Variants in TRPM3 observed in about 807,000 individuals in gnomAD.
TRPM3 encodes the protein transient receptor potential cation channel subfamily M member 3, also known as long transient receptor potential channel 3.
Under a neutral mutation model 181.2 loss-of-function variants are expected in TRPM3, and 77 were observed. The observed-to-expected ratio is 0.42, with a 90% CI of 0.35 to 0.51. TRPM3 has a LOEUF of 0.51. Among genes scored for constraint, TRPM3 ranks in the 20% least tolerant of loss-of-function variants. TRPM3 has a pLI of 0.01. For synonymous variants in TRPM3, 745 were observed against 796.4 expected, an observed-to-expected ratio of 0.94 and a Z score of 1.09; for missense variants, 1,759 against 2,196.7, an observed-to-expected ratio of 0.80 and a Z score of 3.98.
chr9:70,882,967 A>G (rs2096019996), intron 1 of TRPM3, among the ~76,000 whole-genome samples: 1 of 152,206 alleles, frequency 6.6e-6, no homozygotes, highest in African/African-American at 2.4e-5. Flanking sequence ...AATTTAAACC[A>G]TGGAAACATT....
chr9:71,331,709 A>G (rs796404481), intron 1 of TRPM3, among the ~76,000 whole-genome samples: 7 of 109,814 alleles, frequency 6.4e-5, no homozygotes, highest in East Asian at 2.9e-4. Flanking sequence ...AAAGGAGGAG[A>G]AAAAGGAGGA....
At chr9:70,993,728 T>G (rs2097512361) in intron 1 of TRPM3, among the ~76,000 whole-genome samples, 1 of 138,676 alleles carries the variant, frequency 7.2e-6, no homozygotes, top group Admixed American at 8.0e-5. Flanking sequence ...TCCACTGCAG[T>G]GAGCTGAGAT....
intron 1 of TRPM3, among the ~76,000 whole-genome samples, chr9:71,085,419 G>C (rs2065101068): frequency 6.6e-6 from 1 of 151,486 alleles, no homozygotes; most frequent in South Asian, 2.1e-4. Context: ...ATAAGCAAAT[G>C]AAACTATTAA....
At chr9:71,381,473 A>G (rs1249335159) in intron 1 of TRPM3, among the ~76,000 whole-genome samples, 1 of 152,166 alleles carries the variant, frequency 6.6e-6, no homozygotes, top group Non-Finnish European at 1.5e-5. Context: ...ACTTTCAAAT[A>G]GTGATTAAGT....
intron 15 of TRPM3, among the ~76,000 whole-genome samples, chr9:70,620,996 C>A (rs376979851): frequency 6.9e-6 from 1 of 145,826 alleles, no homozygotes; most frequent in Admixed American, 6.9e-5. Context: ...TGTGAGCAAC[C>A]CTTATGACAC....
At chr9:71,310,872 T>C (rs2087860529) in intron 1 of TRPM3, among the ~76,000 whole-genome samples, 1 of 152,048 alleles carries the variant, frequency 6.6e-6, no homozygotes, top group South Asian at 2.1e-4. Context: ...CAGCCTAATG[T>C]TTTTCTTTTT....
intron 8 of TRPM3, among the ~76,000 whole-genome samples, chr9:70,737,561 G>A (rs1407523319): frequency 9.3e-6 from 1 of 107,992 alleles, no homozygotes; most frequent in Non-Finnish European, 1.9e-5. Flanking sequence ...TGGTCTAAAT[G>A]CTCCAATTAA....
At chr9:70,954,829 T>C (rs1212495136) in intron 1 of TRPM3, among the ~76,000 whole-genome samples, 1 of 152,112 alleles carries the variant, frequency 6.6e-6, no homozygotes, top group Non-Finnish European at 1.5e-5. Context: ...CTGGGGTCCC[T>C]TGCCAGCTAC....
intron 1 of TRPM3, among the ~76,000 whole-genome samples, chr9:71,222,992 G>T (rs928581408): frequency 4.7e-4 from 72 of 152,192 alleles, no homozygotes; most frequent in African/African-American, 1.7e-3. Context: ...CAACTTCTTG[G>T]CAAGACCTAG....
At chr9:71,274,000 T>C (rs1723527448) in intron 1 of TRPM3, among the ~76,000 whole-genome samples, 1 of 152,206 alleles carries the variant, frequency 6.6e-6, no homozygotes, top group Admixed American at 6.5e-5. Context: ...AATGTGTCTA[T>C]AGATAAAATT....
At position 70,893,901 on chromosome 9, in the gene TRPM3, G is replaced by A. The variant is rs149012093; in HGVS notation, c.178-29390C>T. Among the ~76,000 whole-genome samples, 310 of 152,222 alleles carry A rather than the reference G, an allele frequency of 2.0e-3. 3 individuals carry two copies. Among genetic ancestry groups the A allele is most frequent in the African/African-American group, 7.0e-3 (291 of 41,526 alleles). On this transcript the variant is annotated intron_variant, in intron 1 of 25. Transcript: ENST00000677713. ...TCTAAGCCTCTCAGTTATTTTAAAA[G>A]AAGCTGAAAAAAATGATGAGGTAAG...
chr9:71,259,781 G>A (rs1280306309), intron 1 of TRPM3, among the ~76,000 whole-genome samples: 1 of 152,070 alleles, frequency 6.6e-6, no homozygotes, highest in African/African-American at 2.4e-5. Flanking sequence ...TGTAGATTCT[G>A]GATATTAGCC....
At chr9:71,056,058 A>G (rs966404622) in intron 1 of TRPM3, among the ~76,000 whole-genome samples, 1 of 152,064 alleles carries the variant, frequency 6.6e-6, no homozygotes, top group Non-Finnish European at 1.5e-5. Flanking sequence ...AATTTTACAC[A>G]TGAATGGACT....
chr9:71,217,397 T>C (rs1438466122), intron 1 of TRPM3, among the ~76,000 whole-genome samples: 2 of 151,878 alleles, frequency 1.3e-5, no homozygotes, highest in East Asian at 3.9e-4. Context: ...CAGACAGAGG[T>C]TGGGGGAAAA....
At chr9:71,195,476 T>A (rs2078291564) in intron 1 of TRPM3, among the ~76,000 whole-genome samples, 1 of 151,700 alleles carries the variant, frequency 6.6e-6, no homozygotes, top group African/African-American at 2.4e-5. Flanking sequence ...GCCAGTGAGG[T>A]TAAGGAAAGG....
intron 1 of TRPM3, among the ~76,000 whole-genome samples, chr9:71,376,427 A>G (rs1210126716): frequency 1.3e-5 from 2 of 152,092 alleles, no homozygotes; most frequent in African/African-American, 2.4e-5. Flanking sequence ...TTATCAGTAA[A>G]TGGATATATA....
intron 1 of TRPM3, among the ~76,000 whole-genome samples, chr9:70,983,034 C>T (rs1359162572): frequency 1.3e-5 from 2 of 152,102 alleles, no homozygotes; most frequent in African/African-American, 4.8e-5. Context: ...TTTCCTGACC[C>T]TTCATCCTAC....
chr9:70,970,293 G>C (rs56095958), intron 1 of TRPM3, among the ~76,000 whole-genome samples: 1 of 152,208 alleles, frequency 6.6e-6, no homozygotes, highest in East Asian at 1.9e-4. Flanking sequence ...CTGACAAGGA[G>C]GTTGGGTAAA....
At chr9:71,142,035 G>C (rs145129454) in intron 1 of TRPM3, among the ~76,000 whole-genome samples, 1 of 152,154 alleles carries the variant, frequency 6.6e-6, no homozygotes, top group Admixed American at 6.5e-5. Context: ...AAAGAGTTTT[G>C]TCAAAACTGG....
Sources: gnomAD v4.1 joint callset for allele counts (sites outside exome capture counted in the v4.1 genomes callset) on GRCh38, gnomAD v4.1.1 for gene constraint, MANE v1.5 for transcripts, NCBI Gene and HGNC (gene_info 2026-07-23, HGNC 2026-07-21) for gene names.